The following CCDC178 variants were observed in gnomAD, a reference collection of about 807,000 sequenced individuals.
The protein encoded by CCDC178 is coiled-coil domain-containing protein 178.
Under a neutral mutation model 117.4 loss-of-function variants are expected in CCDC178, and 126 were observed. The observed-to-expected ratio is 1.07, with a 90% CI of 0.93 to 1.24. The LOEUF is 1.24. CCDC178 is among the 50% of genes most tolerant of loss of function. The pLI is 0.00. For missense variants in CCDC178, 1,030 were observed against 986.9 expected, an observed-to-expected ratio of 1.04 and a Z score of -0.59; for synonymous variants, 283 against 313.4, an observed-to-expected ratio of 0.90 and a Z score of 1.02.
intron 14 of CCDC178, among the ~76,000 whole-genome samples, chr18:33,254,139 T>C (rs1025120312): frequency 1.3e-5 from 2 of 151,766 alleles, no homozygotes; most frequent in African/African-American, 4.8e-5. Context: ...TCAGAATACA[T>C]AGCACAGAGA....
intron 20 of CCDC178, among the ~76,000 whole-genome samples, chr18:33,100,816 T>C (rs1432467633): frequency 1.3e-5 from 2 of 152,016 alleles, no homozygotes; most frequent in Non-Finnish European, 2.9e-5. Context: ...CCACTTATGT[T>C]AGCTATTAAA....
At chr18:33,380,086 T>C (rs1180702677) in intron 5 of CCDC178, among the ~76,000 whole-genome samples, 1 of 151,868 alleles carries the variant, frequency 6.6e-6, no homozygotes, top group Non-Finnish European at 1.5e-5. Context: ...GTGCAGAGGG[T>C]CCTGCTGCAC....
At chr18:32,954,424 G>T (rs1455516505) in intron 22 of CCDC178, 4 of 151,924 alleles carry the variant, frequency 2.6e-5, no homozygotes, top group African/African-American at 9.7e-5. Context: ...GTATATATTT[G>T]GCATGTATTT....
intron 21 of CCDC178, among the ~76,000 whole-genome samples, chr18:32,984,951 T>C (rs1452371571): frequency 2.0e-5 from 3 of 151,982 alleles, no homozygotes; most frequent in Non-Finnish European, 4.4e-5. Flanking sequence ...TCGGTTTTCA[T>C]TTATGAGCTG....
At chr18:33,015,519 C>A (rs191879748) in intron 21 of CCDC178, among the ~76,000 whole-genome samples, 268 of 151,952 alleles carry the variant, frequency 1.8e-3, no homozygotes, top group Non-Finnish European at 3.0e-3. Flanking sequence ...GAGCCGAGAT[C>A]GCACCACTGC....
intron 22 of CCDC178, among the ~76,000 whole-genome samples, chr18:32,947,771 A>G (rs1327882047): frequency 6.6e-6 from 1 of 152,162 alleles, no homozygotes. Context: ...TACATAAGAC[A>G]TCTTTGCCAA....
chr18:33,394,943 GTATATATATATA>G lies in CCDC178; in HGVS notation c.118+2194_118+2205del, dbSNP rs61298209. Among the ~76,000 whole-genome samples the G allele has an allele frequency of 4.9e-3, 300 of 61,504 alleles. 5 individuals are homozygous for G. The highest frequency in any genetic ancestry group is 0.015 in the Middle Eastern group (1 of 66). 40.3% of individuals were successfully genotyped at this position (61,504 alleles called of 152,430 possible). A position where few individuals can be genotyped will look rare whatever the true frequency, so the allele number is the denominator to read the frequency against. The stretch of plus-strand genomic sequence containing the variant: ...ACTTTAAAAGCCTGTATATGTATGT[GTATATATATATA>G]TATATATATATATATATATATATAT... On this transcript the variant is annotated intron_variant, in intron 4 of 22. Coordinates refer to ENST00000383096, the MANE Select transcript of CCDC178 (RefSeq NM_001105528.4).
At chr18:33,043,872 A>G (rs2056594637) in intron 21 of CCDC178, among the ~76,000 whole-genome samples, 1 of 151,916 alleles carries the variant, frequency 6.6e-6, no homozygotes, top group East Asian at 1.9e-4. Flanking sequence ...TTCTCGCCGT[A>G]ATAGTTTAAT....
chr18:33,097,553 C>G (rs963649298), intron 20 of CCDC178, among the ~76,000 whole-genome samples: 2 of 152,094 alleles, frequency 1.3e-5, no homozygotes, highest in African/African-American at 4.8e-5. Context: ...GTTTGCACAG[C>G]TATTAGGCAG....
chr18:33,014,402 A>G (rs1389674558), intron 21 of CCDC178, among the ~76,000 whole-genome samples: 1 of 152,206 alleles, frequency 6.6e-6, no homozygotes, highest in Non-Finnish European at 1.5e-5. Flanking sequence ...TGGGGCTAGC[A>G]AGAGGCTAAC....
chr18:32,944,327 A>G (rs2054300158), intron 22 of CCDC178, among the ~76,000 whole-genome samples: 1 of 152,176 alleles, frequency 6.6e-6, no homozygotes, highest in Non-Finnish European at 1.5e-5. Flanking sequence ...GGGAATCATT[A>G]AATATATCAG....
At chr18:33,257,185 T>G (rs1189498755) in intron 14 of CCDC178, among the ~76,000 whole-genome samples, 1 of 152,072 alleles carries the variant, frequency 6.6e-6, no homozygotes, top group Admixed American at 6.6e-5. Context: ...AACTTTTCTA[T>G]GATAATTTCT....
intron 22 of CCDC178, among the ~76,000 whole-genome samples, chr18:32,974,158 A>C (rs2054985317): frequency 6.6e-6 from 1 of 152,192 alleles, no homozygotes; most frequent in African/African-American, 2.4e-5. Context: ...GACAACAGTT[A>C]AACTAAGTAA....
chr18:32,981,479 T>C (rs907834736), intron 21 of CCDC178, among the ~76,000 whole-genome samples: 4 of 152,198 alleles, frequency 2.6e-5, no homozygotes, highest in African/African-American at 9.6e-5. Flanking sequence ...TATTAGAAAC[T>C]TGTTTACTTA....
chr18:33,273,529 T>C (rs2059912197), intron 12 of CCDC178, among the ~76,000 whole-genome samples: 1 of 151,622 alleles, frequency 6.6e-6, no homozygotes, highest in South Asian at 2.1e-4. Flanking sequence ...TATAAATCAA[T>C]GGGATAAAAC....
At chr18:33,124,395 A>G (rs2049639007) in intron 20 of CCDC178, among the ~76,000 whole-genome samples, 1 of 152,166 alleles carries the variant, frequency 6.6e-6, no homozygotes, top group Non-Finnish European at 1.5e-5. Context: ...ATCTTTCCAC[A>G]GGTTTTATGT....
intron 22 of CCDC178, among the ~76,000 whole-genome samples, chr18:32,959,461 CA>C (rs1598733240): frequency 6.6e-6 from 1 of 152,210 alleles, no homozygotes; most frequent in East Asian, 1.9e-4. Context: ...GCCATTCTCA[CA>C]TTGTTTTACT....
intron 11 of CCDC178, among the ~76,000 whole-genome samples, chr18:33,303,449 A>T (rs193021878): frequency 6.6e-6 from 1 of 152,328 alleles, no homozygotes; most frequent in East Asian, 1.9e-4. Flanking sequence ...CCAAACCCAT[A>T]GAATGTACAT....
At chr18:33,304,870 G>C (rs1487382785) in intron 11 of CCDC178, among the ~76,000 whole-genome samples, 2 of 152,166 alleles carry the variant, frequency 1.3e-5, no homozygotes, top group Non-Finnish European at 2.9e-5. Context: ...CAGCGCTCAA[G>C]TTCAGGGAAG....
Sources: gnomAD v4.1 joint callset for allele counts (sites outside exome capture counted in the v4.1 genomes callset) on GRCh38, gnomAD v4.1.1 for gene constraint, MANE v1.5 for transcripts, NCBI Gene and HGNC (gene_info 2026-07-23, HGNC 2026-07-21) for gene names.